Variants in FOXP1 observed in about 807,000 individuals in gnomAD.
FOXP1 encodes forkhead box protein P1.
A neutral mutation model predicts 98.2 loss-of-function variants in FOXP1; 15 were observed. That is an observed-to-expected ratio of 0.15 (90% CI 0.10 to 0.24). The LOEUF is 0.24. Among genes scored for constraint, FOXP1 ranks in the 10% least tolerant of loss-of-function variants. The pLI is 1.00. For missense variants in FOXP1, 633 were observed against 848.5 expected (o/e 0.75, Z 3.15); for synonymous variants, 371 against 314.5 (o/e 1.18, Z -1.90).
At chr3:71,519,296 C>G (rs1251223168) in intron 2 of FOXP1, among the ~76,000 whole-genome samples, 1 of 152,134 alleles carries the variant, frequency 6.6e-6, no homozygotes, top group Non-Finnish European at 1.5e-5. Context: ...CAGGCAATTG[C>G]GTGAGCTGCC....
intron 5 of FOXP1, among the ~76,000 whole-genome samples, chr3:71,256,085 G>C (rs947790127): frequency 2.2e-4 from 33 of 152,180 alleles, no homozygotes; most frequent in Non-Finnish European, 3.8e-4. Flanking sequence ...ACAGGTCTTG[G>C]TATGTCATTA....
intron 3 of FOXP1, among the ~76,000 whole-genome samples, chr3:71,427,966 A>G (rs2084317089): frequency 6.6e-6 from 1 of 152,224 alleles, no homozygotes; most frequent in African/African-American, 2.4e-5. Context: ...CAAGAAAAAG[A>G]TCAGCTCAAA....
At position 70,955,832 on chromosome 3, in the gene FOXP1, G is replaced by GCA. The variant is rs143202281; in HGVS notation, c.*3413_*3414dup. The GCA allele has an allele frequency of 0.047, 10,335 of 221,286 alleles. 176 individuals carry two copies. Among genetic ancestry groups the GCA allele is most frequent in the Non-Finnish European group, 0.055 (6,083 of 111,098 alleles). 13.7% of individuals were successfully genotyped at this position (221,286 alleles called of 1,614,324 possible). On this transcript the variant is annotated 3_prime_UTR_variant, in exon 21 of 21. Coordinates refer to ENST00000649528, the MANE Select transcript of FOXP1 (RefSeq NM_001349338.3). Reference sequence around the variant, plus strand: ...AACAGATTAACACACACGCACGCGCGCACACACACACACACACACACACAA... The same window carrying GCA: ...AACAGATTAACACACACGCACGCGCGCACACACACACACACACACACACACAA...
At chr3:71,256,525 A>G (rs2068639592) in intron 5 of FOXP1, among the ~76,000 whole-genome samples, 1 of 152,142 alleles carries the variant, frequency 6.6e-6, no homozygotes, top group South Asian at 2.1e-4. Context: ...CTGGGACTAC[A>G]GGTGCCCACT....
intron 19 of FOXP1, chr3:70,968,633 C>T (rs1380121064): frequency 1.3e-5 from 2 of 152,132 alleles, no homozygotes. Context: ...CTTTTCAGAG[C>T]ATAATGCAAT....
At chr3:71,403,108 T>G (rs991645386) in intron 3 of FOXP1, among the ~76,000 whole-genome samples, 1 of 152,266 alleles carries the variant, frequency 6.6e-6, no homozygotes, top group East Asian at 1.9e-4. Context: ...TTTTGTTTTT[T>G]CTTTCTGGTA....
At chr3:71,130,397 T>A (rs1162996505) in intron 6 of FOXP1, 1 of 1,159,212 alleles carries the variant, frequency 8.6e-7, no homozygotes, top group East Asian at 2.5e-5. Context: ...ACAAGTTGGA[T>A]CACCTTATTT....
At chr3:71,220,165 G>T (rs1193955568) in intron 5 of FOXP1, among the ~76,000 whole-genome samples, 1 of 152,126 alleles carries the variant, frequency 6.6e-6, no homozygotes, top group African/African-American at 2.4e-5. Context: ...TGTAAGCTAG[G>T]GATCATGTCT....
intron 3 of FOXP1, among the ~76,000 whole-genome samples, chr3:71,400,578 G>A (rs1577316295): frequency 6.6e-6 from 1 of 152,150 alleles, no homozygotes; most frequent in Admixed American, 6.5e-5. Context: ...GGCTGGTCTT[G>A]CAATCCTGGC....
chr3:71,224,994 C>T (rs1034161037), intron 5 of FOXP1, among the ~76,000 whole-genome samples: 20 of 152,152 alleles, frequency 1.3e-4, no homozygotes, highest in African/African-American at 4.8e-4. Flanking sequence ...ATAGAATATA[C>T]ATGACCTATA....
At chr3:71,442,708 G>T (rs2086057840) in intron 3 of FOXP1, among the ~76,000 whole-genome samples, 1 of 152,054 alleles carries the variant, frequency 6.6e-6, no homozygotes, top group Admixed American at 6.6e-5. Context: ...TCCCACGTCT[G>T]GATTTGTCAA....
chr3:71,163,289 A>G (rs2061234104), intron 6 of FOXP1, among the ~76,000 whole-genome samples: 1 of 152,230 alleles, frequency 6.6e-6, no homozygotes, highest in Non-Finnish European at 1.5e-5. Flanking sequence ...GAGTGGACAA[A>G]TAAGTCAGCA....
intron 3 of FOXP1, among the ~76,000 whole-genome samples, chr3:71,436,015 G>T (rs2108424772): frequency 6.6e-6 from 1 of 151,678 alleles, no homozygotes; most frequent in South Asian, 2.1e-4. Context: ...AGGAAGAAAG[G>T]AAGAAAGGGG....
At chr3:71,341,343 T>G (rs1342930635) in intron 4 of FOXP1, among the ~76,000 whole-genome samples, 1 of 152,086 alleles carries the variant, frequency 6.6e-6, no homozygotes, top group Admixed American at 6.5e-5. Flanking sequence ...AACTATACAC[T>G]CCTATATAAC....
Position 71,473,885 on chromosome 3 carries a change from AAAG to A in FOXP1, c.-168+19538_-168+19540del, listed in dbSNP as rs2089584477. On this transcript the variant is annotated intron_variant, in intron 3 of 20. Coordinates refer to ENST00000649528, the MANE Select transcript of FOXP1 (RefSeq NM_001349338.3). ...TAATAGTGATGACGTCCTCATGGAGAAAGACAGTAATTAATTATGAAGCCCTAC... is the reference window on the plus strand; with the variant it reads ...TAATAGTGATGACGTCCTCATGGAGAACAGTAATTAATTATGAAGCCCTAC... Among the ~76,000 whole-genome samples, 2 of 152,298 alleles carry A rather than the reference AAAG, an allele frequency of 1.3e-5. 1 individual carries two copies. The highest frequency in any genetic ancestry group is 4.1e-4 in the South Asian group (2 of 4,820).
intron 4 of FOXP1, among the ~76,000 whole-genome samples, chr3:71,319,272 GTTAT>G (rs1340006647): frequency 3.9e-5 from 6 of 152,050 alleles, no homozygotes; most frequent in Non-Finnish European, 7.4e-5. Context: ...CACAATAAGG[GTTAT>G]TTTTGTTGCT....
At chr3:71,263,864 C>G (rs2069392659) in intron 5 of FOXP1, among the ~76,000 whole-genome samples, 1 of 151,986 alleles carries the variant, frequency 6.6e-6, no homozygotes, top group African/African-American at 2.4e-5. Flanking sequence ...CTTGACTCAG[C>G]CTCCTGAATA....
At position 71,316,084 on chromosome 3, in the gene FOXP1, C is replaced by T. The variant is rs959821550; in HGVS notation, c.-72-16204G>A. ...AGGGCGGCTCTGCTCCTGGACCCAC[C>T]GGTATCTCATCTAGGATTTGGGAAG... is the stretch of plus-strand genomic sequence containing the variant. On this transcript the variant is annotated intron_variant, in intron 4 of 20. Coordinates refer to ENST00000649528, the MANE Select transcript of FOXP1 (RefSeq NM_001349338.3). Among the ~76,000 whole-genome samples, 8 of 152,176 alleles carry T rather than the reference C, an allele frequency of 5.3e-5. No individual in the cohort carries two copies. In the South Asian group the frequency reaches 6.2e-4, roughly 12 times the overall value.
At chr3:71,126,993 C>T (rs564000977) in intron 6 of FOXP1, among the ~76,000 whole-genome samples, 32 of 151,486 alleles carry the variant, frequency 2.1e-4, no homozygotes, top group African/African-American at 7.5e-4. Context: ...ATTAAAAGCA[C>T]ATTTTGAGTA....
Sources: allele counts gnomAD v4.1 joint callset (sites outside exome capture counted in the v4.1 genomes callset), GRCh38; gene constraint gnomAD v4.1.1; transcripts MANE v1.5; gene names NCBI Gene and HGNC (gene_info 2026-07-23, HGNC 2026-07-21).